The following DGKH variants were observed in gnomAD, a reference collection of about 807,000 sequenced individuals.
The protein encoded by DGKH is diacylglycerol kinase eta, also known as DAG kinase eta.
A neutral mutation model predicts 159.3 loss-of-function variants in DGKH; 90 were observed. The ratio of observed to expected loss-of-function variants is 0.57; its 90% CI spans 0.48 to 0.67. The LOEUF (loss-of-function observed/expected upper bound fraction) is 0.67, where lower values mean the gene tolerates loss of function less well. DGKH is among the 30% of genes least tolerant of loss of function. The pLI, the probability that DGKH is intolerant of heterozygous loss-of-function variation, is 0.00. For missense variants in DGKH, 1,181 were observed against 1,506.1 expected, an observed-to-expected ratio of 0.78 and a Z score of 3.57; for synonymous variants, 536 against 553.8, an observed-to-expected ratio of 0.97 and a Z score of 0.45.
intron 3 of DGKH, among the ~76,000 whole-genome samples, chr13:42,137,014 G>T (rs1282204136): frequency 6.6e-6 from 1 of 152,108 alleles, no homozygotes; most frequent in Non-Finnish European, 1.5e-5. Context: ...TGAGCAGAGT[G>T]GGTTTTAGTG....
intron 1 of DGKH, among the ~76,000 whole-genome samples, chr13:42,050,392 C>G (rs761836105): frequency 6.6e-6 from 1 of 152,076 alleles, no homozygotes; most frequent in Non-Finnish European, 1.5e-5. Context: ...AGTAGCCTGC[C>G]TCCTTATTTT....
upstream of DGKH, among the ~76,000 whole-genome samples, chr13:42,046,423 G>A (rs1880797049): frequency 6.6e-6 from 1 of 152,210 alleles, no homozygotes; most frequent in Non-Finnish European, 1.5e-5. Context: ...GAAGAGGCTA[G>A]TAAGTCAGGT....
Position 42,233,276 on chromosome 13 carries a change from T to C in DGKH, c.*4088T>C, listed in dbSNP as rs977854671. The C allele has an allele frequency of 5.9e-5, 9 of 152,242 alleles. No individual in the cohort carries two copies. The highest frequency in any genetic ancestry group is 2.2e-4 in the African/African-American group (9 of 41,468). The allele number at this position is 152,242 out of a possible 1,614,324, so 9.4% of individuals were successfully genotyped here. A position where few individuals can be genotyped will look rare whatever the true frequency, so the allele number is the denominator to read the frequency against. On this transcript the variant is annotated 3_prime_UTR_variant, in exon 30 of 30. Transcript: ENST00000337343. ...ATTGGACAGCACTGGTGCAGATCATTGCTACTCAAAATGTGATCCATGGGC... is the reference window on the plus strand; with the variant it reads ...ATTGGACAGCACTGGTGCAGATCATCGCTACTCAAAATGTGATCCATGGGC...
chr13:42,182,931 A>G (rs916590955), intron 13 of DGKH, among the ~76,000 whole-genome samples: 1 of 151,626 alleles, frequency 6.6e-6, no homozygotes, highest in Non-Finnish European at 1.5e-5. Context: ...AACCACACAC[A>G]CTTTATTTGT....
At chr13:42,086,639 A>G (rs1165955082) in intron 1 of DGKH, among the ~76,000 whole-genome samples, 2 of 152,254 alleles carry the variant, frequency 1.3e-5, no homozygotes, top group Non-Finnish European at 2.9e-5. Flanking sequence ...CTTTGGCAAG[A>G]TAGACTAACA....
At chr13:42,159,794 A>C (rs952380692) in intron 6 of DGKH, among the ~76,000 whole-genome samples, 1 of 152,206 alleles carries the variant, frequency 6.6e-6, no homozygotes, top group Non-Finnish European at 1.5e-5. Context: ...TGCCTCAGCT[A>C]AATCTACCTG....
At chr13:42,145,080 G>A (rs552482207) in intron 3 of DGKH, among the ~76,000 whole-genome samples, 8 of 152,302 alleles carry the variant, frequency 5.3e-5, no homozygotes, top group South Asian at 2.1e-4. Context: ...TTATTCTTAC[G>A]TAAGGATTTA....
chr13:42,130,554 C>A (rs963436291), intron 3 of DGKH, among the ~76,000 whole-genome samples: 3 of 152,102 alleles, frequency 2.0e-5, no homozygotes, highest in African/African-American at 7.2e-5. Flanking sequence ...GTGCATTGTT[C>A]TTGCTGTGTT....
intron 13 of DGKH, chr13:42,181,651 C>A: frequency 3.0e-6 from 1 of 332,310 alleles, no homozygotes; most frequent in Non-Finnish European, 6.6e-6. Flanking sequence ...GTGAGCCCAG[C>A]ATTACTTCCT....
chr13:42,141,245 T>C (rs1339853455), intron 3 of DGKH, among the ~76,000 whole-genome samples: 2 of 151,834 alleles, frequency 1.3e-5, no homozygotes, highest in Non-Finnish European at 2.9e-5. Context: ...TCATTTTTTA[T>C]GGCTGCATAG....
At chr13:42,151,922 A>G (rs1184033697) in intron 3 of DGKH, among the ~76,000 whole-genome samples, 1 of 152,140 alleles carries the variant, frequency 6.6e-6, no homozygotes, top group Admixed American at 6.5e-5. Context: ...ACAGTGTACA[A>G]GCATTCCCTT....
Position 42,159,486 on chromosome 13 carries a change from G to A in DGKH, c.729+114G>A, listed in dbSNP as rs1019791522. 13 of 781,880 alleles carry A rather than the reference G, an allele frequency of 1.7e-5. No individual in the cohort carries two copies. In the South Asian group the frequency reaches 1.7e-4, roughly 10 times the overall value. 48.4% of individuals were successfully genotyped at this position (781,880 alleles called of 1,614,324 possible). On this transcript the variant is annotated intron_variant, in intron 6 of 29. Transcript: ENST00000337343. Reference sequence around the variant, plus strand: ...GCTTATTATTAGGATTTAATAGAAGGTTTGGTTGATTCTGAGTTTTTATTT... The same window carrying A: ...GCTTATTATTAGGATTTAATAGAAGATTTGGTTGATTCTGAGTTTTTATTT...
intron 11 of DGKH, 80 bp from the exon 12 acceptor site, chr13:42,173,980 T>C: frequency 5.9e-6 from 5 of 847,906 alleles, no homozygotes; most frequent in South Asian, 1.5e-5. Flanking sequence ...TGTGTGTGTG[T>C]GTGCGCGTTT....
At chr13:42,246,261 C>A (rs966717046), downstream of DGKH, among the ~76,000 whole-genome samples, 4 of 152,112 alleles carry the variant, frequency 2.6e-5, no homozygotes, top group African/African-American at 7.2e-5. Context: ...CCAAAGCAAG[C>A]CTGGGATGGT....
At chr13:42,202,194 G>A (rs938319101) in intron 20 of DGKH, among the ~76,000 whole-genome samples, 10 of 152,132 alleles carry the variant, frequency 6.6e-5, no homozygotes, top group Non-Finnish European at 1.5e-4. Flanking sequence ...AGTAGAAAAA[G>A]TAGAGCACTC....
At chr13:42,105,821 C>A (rs986649903) in intron 1 of DGKH, among the ~76,000 whole-genome samples, 3 of 152,150 alleles carry the variant, frequency 2.0e-5, no homozygotes, top group Non-Finnish European at 4.4e-5. Context: ...TAGCTCCCTG[C>A]AAGCAGGCAT....
intron 1 of DGKH, among the ~76,000 whole-genome samples, chr13:42,092,607 G>T (rs1316082689): frequency 3.3e-5 from 5 of 152,132 alleles, no homozygotes; most frequent in Non-Finnish European, 7.4e-5. Context: ...GAAACGGGGA[G>T]GGAGAGGATG....
intron 7 of DGKH, among the ~76,000 whole-genome samples, chr13:42,160,487 A>C (rs1956152067): frequency 6.6e-6 from 1 of 152,212 alleles, no homozygotes. Flanking sequence ...TTTGGTTGAC[A>C]TGTGACATGT....
chr13:42,069,133 C>T, intron 1 of DGKH: 7 of 1,403,414 alleles, frequency 5.0e-6, no homozygotes, highest in South Asian at 4.8e-5. Flanking sequence ...CCTCATTTCT[C>T]TCTCCCCAAG....
Sources: gnomAD v4.1 joint callset for allele counts (sites outside exome capture counted in the v4.1 genomes callset) on GRCh38, gnomAD v4.1.1 for gene constraint, MANE v1.5 for transcripts, NCBI Gene and HGNC (gene_info 2026-07-23, HGNC 2026-07-21) for gene names.